Variants in PACSIN1 observed in about 807,000 individuals in gnomAD.
PACSIN1 encodes protein kinase C and casein kinase substrate in neurons protein 1.
In PACSIN1, 15 loss-of-function variants were observed where a neutral mutation model predicts 59.5. That is an observed-to-expected ratio of 0.25 (90% CI 0.17 to 0.39). The LOEUF (loss-of-function observed/expected upper bound fraction) is 0.39, where lower values mean the gene tolerates loss of function less well. Ranked by LOEUF, PACSIN1 falls within the 10% of genes least tolerant of loss-of-function variation. The pLI is 1.00. For missense variants in PACSIN1, 420 were observed against 580.2 expected, an observed-to-expected ratio of 0.72 and a Z score of 2.84; for synonymous variants, 210 against 220.6, an observed-to-expected ratio of 0.95 and a Z score of 0.42.
In PACSIN1 at chr6:34,530,164, G is replaced by A. The variant is rs1394783717; in HGVS notation, c.789-79G>A. ...GCCCAGCACCCTGCTTCCCTGAGTG[G>A]ACTCTGGCCTCTCACCAAGGTTGAG... On this transcript the variant is annotated intron_variant, in intron 6 of 9. Coordinates refer to ENST00000244458, the MANE Select transcript of PACSIN1 (RefSeq NM_020804.5). The surrounding 1 kb of genome is among the most constrained non-coding windows in gnomAD (Gnocchi z 4.4). The A allele has an allele frequency of 1.3e-6, 2 of 1,506,552 alleles. No individual in the cohort carries two copies. The highest frequency in any genetic ancestry group is 2.8e-5 in the African/African-American group (2 of 72,140). The allele number at this position is 1,506,552 out of a possible 1,614,324, so 93.3% of individuals were successfully genotyped here. A position where few individuals can be genotyped will look rare whatever the true frequency, so the allele number is the denominator to read the frequency against.
At position 34,483,001 on chromosome 6, in the gene PACSIN1, CT is replaced by C. The variant is rs34111587; in HGVS notation, c.-64+16751del. 1.9e-3 allele frequency among the ~76,000 whole-genome samples: 217 copies of C among 112,004 alleles called. No individual in the cohort carries two copies. The Middle Eastern group carries it at 0.021, about 11-fold the overall frequency. 73.5% of individuals were successfully genotyped at this position (112,004 alleles called of 152,430 possible). On this transcript the variant is annotated intron_variant, in intron 1 of 9. Transcript: ENST00000244458. ...TGCGCCCAGCCAACTCCATGTTTAA[CT>C]TTTTTTTTTTTTTTTTTTTGAAACA...
intron 1 of PACSIN1, among the ~76,000 whole-genome samples, chr6:34,506,931 G>T (rs116524588): frequency 3.9e-5 from 6 of 152,094 alleles, no homozygotes; most frequent in African/African-American, 1.2e-4. Flanking sequence ...GGGGGATGGG[G>T]CTCCTAGTTA....
chr6:34,514,961 C>T lies in PACSIN1; in HGVS notation c.-63-11282C>T, dbSNP rs552520343. On this transcript the variant is annotated intron_variant, in intron 1 of 9. Transcript: ENST00000244458. This position sits in a 1 kb window ranked among gnomAD's most constrained non-coding sequence, Gnocchi z 4.4. Reference sequence around the variant, plus strand: ...CCCGGCAGCAGGCCCCCTCTCCGCCCGCCACCACGGAGGAGAAGGAGGACA... The same window carrying T: ...CCCGGCAGCAGGCCCCCTCTCCGCCTGCCACCACGGAGGAGAAGGAGGACA... The T allele has an allele frequency of 1.4e-4, 21 of 152,458 alleles. No individual in the cohort carries two copies. The highest frequency in any genetic ancestry group is 1.2e-3 in the East Asian group (6 of 5,160). The allele number at this position is 152,458 out of a possible 1,614,324, so 9.4% of individuals were successfully genotyped here. A position where few individuals can be genotyped will look rare whatever the true frequency, so the allele number is the denominator to read the frequency against.
At chr6:34,484,508 G>T (rs1766764207) in intron 1 of PACSIN1, among the ~76,000 whole-genome samples, 1 of 152,150 alleles carries the variant, frequency 6.6e-6, no homozygotes, top group African/African-American at 2.4e-5. Flanking sequence ...CAACTTTTCT[G>T]TATGATACTA....
intron 1 of PACSIN1, among the ~76,000 whole-genome samples, chr6:34,504,314 G>A (rs867943710): frequency 1.5e-5 from 2 of 135,582 alleles, no homozygotes; most frequent in East Asian, 2.1e-4. Flanking sequence ...TTTTTTAAAC[G>A]GAGTTTTGCT....
At chr6:34,526,064 GGT>G (rs1767476181) in intron 1 of PACSIN1, among the ~76,000 whole-genome samples, 177 bp from the exon 2 acceptor site, 1 of 152,040 alleles carries the variant, frequency 6.6e-6, no homozygotes, top group African/African-American at 2.4e-5. Context: ...TGGGCATGAG[GGT>G]GCTACAGGGC....
chr6:34,517,011 G>A (rs1393359122), intron 1 of PACSIN1, among the ~76,000 whole-genome samples: 1 of 152,140 alleles, frequency 6.6e-6, no homozygotes, highest in Non-Finnish European at 1.5e-5. Flanking sequence ...TGGCAAGGGT[G>A]AGGAGGTATC....
intron 1 of PACSIN1, among the ~76,000 whole-genome samples, chr6:34,466,673 C>T (rs905090085): frequency 1.3e-5 from 2 of 152,140 alleles, no homozygotes; most frequent in African/African-American, 4.8e-5. Context: ...TCAGAGTGGG[C>T]TGGGGAGAAA....
At chr6:34,492,739 C>G (rs539310316) in intron 1 of PACSIN1, among the ~76,000 whole-genome samples, 7 of 152,252 alleles carry the variant, frequency 4.6e-5, no homozygotes, top group Non-Finnish European at 7.3e-5. Flanking sequence ...AGTGCGTGCT[C>G]ATTTGTAAGT....
At chr6:34,517,388 G>A (rs577976638) in intron 1 of PACSIN1, among the ~76,000 whole-genome samples, 75 of 152,154 alleles carry the variant, frequency 4.9e-4, no homozygotes, top group Admixed American at 1.4e-3. Context: ...TAAAACAGAA[G>A]CCAGATCACA....
At chr6:34,528,017 G>T (rs759324741) in intron 3 of PACSIN1, among the ~76,000 whole-genome samples, 9 of 152,200 alleles carry the variant, frequency 5.9e-5, no homozygotes, top group Non-Finnish European at 1.3e-4. Context: ...TAGTGCAGTC[G>T]CACATTGCCT....
At chr6:34,519,384 C>T (rs1269371212) in intron 1 of PACSIN1, among the ~76,000 whole-genome samples, 1 of 152,140 alleles carries the variant, frequency 6.6e-6, no homozygotes, top group East Asian at 1.9e-4. Flanking sequence ...TGGGGACTGC[C>T]TGGAACACCC....
Position 34,527,478 on chromosome 6 carries a change from C to G in PACSIN1, c.210C>G (p.Leu70=), listed in dbSNP as rs762450496. 1.3e-6 allele frequency: 2 copies of G among 1,592,004 alleles called. No homozygotes were observed. Among genetic ancestry groups the G allele is most frequent in the Non-Finnish European group, 1.7e-6 (2 of 1,171,078 alleles). ...LTDWAKRWRQ[L]IEKGPQYGSL... ...ACTGGGCCAAGCGTTGGCGCCAGCT[C>G]ATCGAGAAAGGTGCTCCCCCAGGCT... Residue 70 remains leucine, a synonymous_variant, in exon 3 of 10, where the codon CTC becomes CTG. Transcript: ENST00000244458.
intron 1 of PACSIN1, among the ~76,000 whole-genome samples, chr6:34,490,350 A>G (rs1766858330): frequency 6.7e-6 from 1 of 148,592 alleles, no homozygotes; most frequent in Non-Finnish European, 1.5e-5. Context: ...TACAAGTGTC[A>G]GCCACCATGC....
Position 34,514,289 on chromosome 6 carries a change from A to G in PACSIN1, c.-63-11954A>G, listed in dbSNP as rs1767251006. Among the ~76,000 whole-genome samples, 1 of 152,022 alleles carries G rather than the reference A, an allele frequency of 6.6e-6. No individual in the cohort carries two copies. Among genetic ancestry groups the G allele is most frequent in the Non-Finnish European group, 1.5e-5 (1 of 68,008 alleles). On this transcript the variant is annotated intron_variant, in intron 1 of 9. Coordinates refer to ENST00000244458, the MANE Select transcript of PACSIN1 (RefSeq NM_020804.5). The surrounding 1 kb of genome is among the most constrained non-coding windows in gnomAD (Gnocchi z 4.4). ...GGCATCACAAGGTCTCGGTGCCGAC[A>G]GCTAGCCCAGGAACCTTGGACTCTC...
Position 34,515,248 on chromosome 6 carries a change from G to A in PACSIN1, c.-63-10995G>A, listed in dbSNP as rs904067895. 5.3e-5 allele frequency among the ~76,000 whole-genome samples: 8 copies of A among 152,196 alleles called. No individual in the cohort carries two copies. Among genetic ancestry groups the A allele is most frequent in the African/African-American group, 1.4e-4 (6 of 41,450 alleles). Reference sequence around the variant, plus strand: ...CATCCTGAGAGGTCTTGTCAGAACCGTCAGAACCTTGATCCTCCTCATCAG... The same window carrying A: ...CATCCTGAGAGGTCTTGTCAGAACCATCAGAACCTTGATCCTCCTCATCAG... On this transcript the variant is annotated intron_variant, in intron 1 of 9. Coordinates refer to ENST00000244458, the MANE Select transcript of PACSIN1 (RefSeq NM_020804.5). The surrounding 1 kb of genome is among the most constrained non-coding windows in gnomAD (Gnocchi z 4.4).
chr6:34,528,915 G>GGGCCGGGGGGGGGGGGGGGGGGC, intron 4 of PACSIN1, 38 bp downstream of exon 4: 9 of 653,172 alleles, frequency 1.4e-5, no homozygotes, highest in East Asian at 4.3e-5. Flanking sequence ...GGTGGGGTGG[G>GGGCCGGGGGGGGGGGGGGGGGGC]CCCGTCTGAT....
At chr6:34,528,982 T>A in intron 4 of PACSIN1, 105 bp downstream of exon 4, 1 of 853,692 alleles carries the variant, frequency 1.2e-6, no homozygotes, top group Non-Finnish European at 1.9e-6. Context: ...GGCACTGCCC[T>A]CTGGGATTGT....
intron 1 of PACSIN1, among the ~76,000 whole-genome samples, chr6:34,470,684 G>T (rs976695749): frequency 6.6e-6 from 1 of 151,984 alleles, no homozygotes; most frequent in East Asian, 1.9e-4. Flanking sequence ...CAATTTTATT[G>T]TAGAGATGGG....
Sources: allele counts gnomAD v4.1 joint callset (sites outside exome capture counted in the v4.1 genomes callset), GRCh38; gene constraint gnomAD v4.1.1; non-coding constraint Gnocchi (gnomAD v3.1); transcripts MANE v1.5; gene names NCBI Gene and HGNC (gene_info 2026-07-23, HGNC 2026-07-21).